CDK14: variants seen among roughly 807,000 people sequenced by gnomAD.
CDK14 encodes cyclin-dependent kinase 14.
In CDK14, 34 loss-of-function variants were observed where a neutral mutation model predicts 60.7. The observed-to-expected ratio is 0.56, with a 90% CI of 0.43 to 0.75. CDK14 has a LOEUF of 0.75. CDK14 is among the 30% of genes least tolerant of loss of function. The pLI is 0.00. For missense variants in CDK14, 482 were observed against 564.1 expected (o/e 0.85, Z 1.47); for synonymous variants, 197 against 203.7 (o/e 0.97, Z 0.28).
At chr7:90,625,885 T>C (rs1799865417) in intron 2 of CDK14, among the ~76,000 whole-genome samples, 1 of 152,238 alleles carries the variant, frequency 6.6e-6, no homozygotes, top group Non-Finnish European at 1.5e-5. Context: ...CCCAGCACCA[T>C]TTTCCATTAT....
chr7:91,135,399 G>A (rs1431062875), intron 14 of CDK14, among the ~76,000 whole-genome samples: 1 of 152,160 alleles, frequency 6.6e-6, no homozygotes. Context: ...GGCAGGACCA[G>A]GCATCTGACT....
At chr7:90,805,970 G>GAAAGTTC (rs1788811400) in intron 5 of CDK14, among the ~76,000 whole-genome samples, 1 of 152,132 alleles carries the variant, frequency 6.6e-6, no homozygotes, top group Admixed American at 6.5e-5. Context: ...GCATAGAATG[G>GAAAGTTC]AAAGTTCAAA....
At chr7:91,012,680 T>C (rs1176804633) in intron 10 of CDK14, among the ~76,000 whole-genome samples, 7 of 152,146 alleles carry the variant, frequency 4.6e-5, no homozygotes, top group Non-Finnish European at 1.0e-4. Flanking sequence ...TTCTATGGTG[T>C]TGAGTTGCTT....
intron 10 of CDK14, among the ~76,000 whole-genome samples, chr7:91,033,817 G>T (rs1796834585): frequency 6.6e-6 from 1 of 152,210 alleles, no homozygotes; most frequent in African/African-American, 2.4e-5. Flanking sequence ...CACAGTTGGG[G>T]ACTGAGTCTG....
At chr7:90,670,788 TG>T (rs918427902) in intron 2 of CDK14, among the ~76,000 whole-genome samples, 4 of 152,102 alleles carry the variant, frequency 2.6e-5, no homozygotes, top group African/African-American at 9.7e-5. Context: ...CCCCCAACAC[TG>T]AGTCTTACAT....
intron 2 of CDK14, among the ~76,000 whole-genome samples, chr7:90,635,147 A>G (rs1421636894): frequency 1.3e-5 from 2 of 152,058 alleles, no homozygotes; most frequent in East Asian, 3.9e-4. Flanking sequence ...ATTAGATCCC[A>G]TTTGTCAATT....
chr7:90,713,963 G>T (rs1212019627), intron 2 of CDK14, among the ~76,000 whole-genome samples: 1 of 152,020 alleles, frequency 6.6e-6, no homozygotes, highest in Non-Finnish European at 1.5e-5. Flanking sequence ...CATTTTTATA[G>T]TAATTTATGT....
intron 5 of CDK14, among the ~76,000 whole-genome samples, chr7:90,810,940 C>A (rs1259709758): frequency 6.6e-6 from 1 of 151,984 alleles, no homozygotes; most frequent in Non-Finnish European, 1.5e-5. Context: ...AGGAGAACTA[C>A]AAACCACTGC....
intron 8 of CDK14, among the ~76,000 whole-genome samples, chr7:90,932,472 C>A (rs1056235530): frequency 6.6e-6 from 1 of 152,174 alleles, no homozygotes; most frequent in African/African-American, 2.4e-5. Context: ...CCATCTCCCC[C>A]CAGCCAGTAG....
At position 90,604,222 on chromosome 7, in the gene CDK14, G is replaced by T; in HGVS notation, c.96G>T (p.Leu32Phe). The T allele has an allele frequency of 6.5e-7, 1 of 1,530,574 alleles. No homozygotes were observed. Among genetic ancestry groups the T allele is most frequent in the Admixed American group, 2.0e-5 (1 of 50,296 alleles). The allele number at this position is 1,530,574 out of a possible 1,614,324, so 94.8% of individuals were successfully genotyped here. A position where few individuals can be genotyped will look rare whatever the true frequency, so the allele number is the denominator to read the frequency against. The part of the protein sequence containing the change: ...TLSESFSRIA[L>F]KKDDTTFDEI... ...CTTTTCCTTCTTATTTTATAGCTTT[G>T]AAGAAAGATGACACCACCTTTGATG... Residue 32 changes from leucine to phenylalanine, a missense_variant, in exon 2 of 15, where the codon TTG (leucine) becomes TTT (phenylalanine). Leu to Phe is a conservative substitution (Grantham distance 22). Coordinates refer to ENST00000380050, the MANE Select transcript of CDK14 (RefSeq NM_001287135.2).
At chr7:91,069,576 A>T (rs1222216938) in intron 11 of CDK14, among the ~76,000 whole-genome samples, 1 of 152,168 alleles carries the variant, frequency 6.6e-6, no homozygotes, top group African/African-American at 2.4e-5. Context: ...GACAACACTG[A>T]AAAAGGACAC....
At chr7:90,863,154 T>C (rs777862760) in intron 5 of CDK14, 21 bp from the exon 6 acceptor site, 1 of 1,364,820 alleles carries the variant, frequency 7.3e-7, no homozygotes, top group East Asian at 2.3e-5. Flanking sequence ...AAATTGTTTC[T>C]CTGTCCATTT....
chr7:91,061,447 C>G (rs1388449786), intron 11 of CDK14, among the ~76,000 whole-genome samples: 3 of 152,238 alleles, frequency 2.0e-5, no homozygotes, highest in Admixed American at 6.5e-5. Context: ...TGGTGAGGAA[C>G]TGCGTTCCTT....
intron 4 of CDK14, among the ~76,000 whole-genome samples, chr7:90,780,304 T>C (rs1252611188): frequency 6.6e-6 from 1 of 152,108 alleles, no homozygotes; most frequent in African/African-American, 2.4e-5. Flanking sequence ...GTTTGATATA[T>C]TCTGTATTTA....
At chr7:90,759,262 G>A (rs1417450449) in intron 4 of CDK14, among the ~76,000 whole-genome samples, 1 of 152,098 alleles carries the variant, frequency 6.6e-6, no homozygotes, top group African/African-American at 2.4e-5. Flanking sequence ...CCTTGGCACT[G>A]TTCCCTTTTG....
chr7:90,738,491 G>A (rs1423329648), intron 3 of CDK14, among the ~76,000 whole-genome samples: 1 of 152,192 alleles, frequency 6.6e-6, no homozygotes, highest in Non-Finnish European at 1.5e-5. Flanking sequence ...CATTATCCAT[G>A]TCAGTGTTCC....
At chr7:90,873,889 TC>T (rs889660147) in intron 6 of CDK14, among the ~76,000 whole-genome samples, 1 of 152,064 alleles carries the variant, frequency 6.6e-6, no homozygotes, top group African/African-American at 2.4e-5. Context: ...CCTCCCAGTC[TC>T]CCATCCTCCC....
intron 2 of CDK14, among the ~76,000 whole-genome samples, chr7:90,701,465 G>T (rs1301001817): frequency 6.6e-6 from 1 of 152,152 alleles, no homozygotes; most frequent in Non-Finnish European, 1.5e-5. Flanking sequence ...TTTTTATATA[G>T]TTAAGTGTGT....
intron 5 of CDK14, among the ~76,000 whole-genome samples, chr7:90,847,289 T>C (rs1356627434): frequency 1.3e-5 from 2 of 152,200 alleles, no homozygotes; most frequent in African/African-American, 2.4e-5. Context: ...AAATAGGTGG[T>C]CAATACATAT....
Sources: gnomAD v4.1 joint callset for allele counts (sites outside exome capture counted in the v4.1 genomes callset) on GRCh38, gnomAD v4.1.1 for gene constraint, MANE v1.5 for transcripts, NCBI Gene and HGNC (gene_info 2026-07-23, HGNC 2026-07-21) for gene names.